The following NEDD9 variants were observed in gnomAD, a reference collection of about 807,000 sequenced individuals.
NEDD9 encodes the protein neural precursor cell expressed, developmentally down-regulated 9, also known as enhancer of filamentation 1.
Under a neutral mutation model 76.6 loss-of-function variants are expected in NEDD9, and 26 were observed. The observed-to-expected ratio is 0.34, with a 90% CI of 0.25 to 0.47. The LOEUF (loss-of-function observed/expected upper bound fraction) is 0.47. Ranked by LOEUF, NEDD9 falls within the 20% of genes least tolerant of loss-of-function variation. The pLI is 1.00. For synonymous variants in NEDD9, 392 were observed against 414.2 expected, an observed-to-expected ratio of 0.95 and a Z score of 0.65; for missense variants, 937 against 1,058.5, an observed-to-expected ratio of 0.89 and a Z score of 1.59.
chr6:11,306,489 C>G (rs1761187604), intron 2 of NEDD9, among the ~76,000 whole-genome samples: 2 of 152,182 alleles, frequency 1.3e-5, no homozygotes, highest in African/African-American at 4.8e-5. Context: ...GAAGGTCAAT[C>G]TTGGGTGGAG....
intron 2 of NEDD9, among the ~76,000 whole-genome samples, chr6:11,332,678 A>G (rs1265121067): frequency 2.0e-5 from 3 of 152,150 alleles, no homozygotes; most frequent in African/African-American, 7.2e-5. Flanking sequence ...AACCTGTGAG[A>G]TTCCAGAAGC....
chr6:11,276,329 CTCTG>C (rs1295081987), intron 3 of NEDD9, among the ~76,000 whole-genome samples: 1 of 152,152 alleles, frequency 6.6e-6, no homozygotes, highest in Non-Finnish European at 1.5e-5. Context: ...GCATTATTGG[CTCTG>C]TGTGTGTGTG....
At chr6:11,199,462 TACCTGGCATAAAGC>T (rs903762990) in intron 2 of NEDD9, 1 of 152,180 alleles carries the variant, frequency 6.6e-6, no homozygotes, top group African/African-American at 2.4e-5. Context: ...GTGCATAAAG[TACCTGGCATAAAGC>T]CATAATAAGC....
intron 3 of NEDD9, among the ~76,000 whole-genome samples, chr6:11,247,399 G>T (rs1183100366): frequency 6.6e-6 from 1 of 152,114 alleles, no homozygotes; most frequent in Non-Finnish European, 1.5e-5. Context: ...AGAAGTAGGC[G>T]ATCCACTATT....
intron 3 of NEDD9, among the ~76,000 whole-genome samples, chr6:11,291,712 G>A (rs1760780028): frequency 1.3e-5 from 2 of 152,218 alleles, no homozygotes; most frequent in Admixed American, 6.5e-5. Flanking sequence ...AGATAGGGTT[G>A]CATAGTTTCA....
rs1198441874 is a variant in NEDD9 at position 11,370,511 on chromosome 6, G to GTGCA, written c.-214+11624_-214+11627dup. Among the ~76,000 whole-genome samples, 1 of 152,126 alleles carries GTGCA rather than the reference G, an allele frequency of 6.6e-6. No individual in the cohort carries two copies. Among genetic ancestry groups the GTGCA allele is most frequent in the Admixed American group, 6.6e-5 (1 of 15,266 alleles). On this transcript the variant is annotated intron_variant, in intron 1 of 3. Coordinates refer to the NEDD9 transcript ENST00000397378. The surrounding 1 kb of genome is among the most constrained non-coding windows in gnomAD (Gnocchi z 4.2). Reference sequence around the variant, plus strand: ...AATGGTTCCCTCACCGACCCACTAGGTGCACAAGGCTCTCCTCAAGCCGCC... The same window carrying GTGCA: ...AATGGTTCCCTCACCGACCCACTAGGTGCATGCACAAGGCTCTCCTCAAGCCGCC...
intron 1 of NEDD9, among the ~76,000 whole-genome samples, chr6:11,337,762 G>A (rs192089084): frequency 1.3e-5 from 2 of 152,310 alleles, no homozygotes; most frequent in East Asian, 1.9e-4. Context: ...TGGATGGGGA[G>A]GGAAGAGCAG....
chr6:11,260,012 G>A lies in NEDD9; in HGVS notation c.12+45980C>T, dbSNP rs34563078. Among the ~76,000 whole-genome samples the A allele has an allele frequency of 2.0e-5, 3 of 151,092 alleles. No individual in the cohort carries two copies. In the South Asian group the frequency reaches 6.3e-4, roughly 32 times the overall value. ...GATCCTTCTCCATCTGCTAGTCTCA[G>A]TGTCAGAAATCGTACCATTAGGGAT... On this transcript the variant is annotated intron_variant, in intron 3 of 3. Coordinates refer to the NEDD9 transcript ENST00000397378.
chr6:11,330,413 G>A (rs1762011210), intron 2 of NEDD9, among the ~76,000 whole-genome samples: 1 of 152,192 alleles, frequency 6.6e-6, no homozygotes, highest in African/African-American at 2.4e-5. Flanking sequence ...AAGAGGCCTA[G>A]GGTAAAAAAC....
intron 2 of NEDD9, chr6:11,200,791 C>T (rs1758425309): frequency 4.9e-6 from 7 of 1,432,290 alleles, no homozygotes; most frequent in Non-Finnish European, 6.4e-6. Flanking sequence ...TTCTGCTGTT[C>T]GTATCAGTAT....
intron 3 of NEDD9, among the ~76,000 whole-genome samples, chr6:11,270,968 G>A (rs978880871): frequency 4.6e-5 from 7 of 152,132 alleles, no homozygotes; most frequent in Non-Finnish European, 7.4e-5. Context: ...CCCAGGTGAC[G>A]GCACAGGCAA....
chr6:11,305,152 T>C (rs1365285278), intron 3 of NEDD9: 9 of 1,288,798 alleles, frequency 7.0e-6, no homozygotes, highest in Admixed American at 6.9e-5. Flanking sequence ...CAGTTGATGG[T>C]TGATTCTCTG....
chr6:11,315,860 A>G (rs1253677010), intron 2 of NEDD9, among the ~76,000 whole-genome samples: 3 of 152,250 alleles, frequency 2.0e-5, no homozygotes, highest in African/African-American at 7.2e-5. Context: ...ATGCTTTAAC[A>G]TGTTCTACAA....
intron 1 of NEDD9, among the ~76,000 whole-genome samples, chr6:11,361,831 G>A (rs906921003): frequency 6.6e-6 from 1 of 152,156 alleles, no homozygotes. Context: ...TTGTAGGAGG[G>A]AGAAAGCATT....
chr6:11,304,004 C>T (rs1761118207), intron 3 of NEDD9, among the ~76,000 whole-genome samples: 1 of 152,134 alleles, frequency 6.6e-6, no homozygotes, highest in Admixed American at 6.5e-5. Context: ...AAGAAACTAC[C>T]ATCAGAGTGA....
rs139187501 is a variant in NEDD9, at chr6:11,347,348, A to G, written c.-213-12787T>C. On this transcript the variant is annotated intron_variant, in intron 1 of 3. Transcript: ENST00000397378. The stretch of plus-strand genomic sequence containing the variant: ...TGGATTCACAACCAAATTCTACCAG[A>G]TGTACAAAGAAGAGCTGGTACTGAA... 8.1e-4 allele frequency among the ~76,000 whole-genome samples: 124 copies of G among 152,318 alleles called. 1 individual carries two copies. Among genetic ancestry groups the G allele is most frequent in the Middle Eastern group, 3.4e-3 (1 of 294 alleles).
At position 11,281,305 on chromosome 6, in the gene NEDD9, G is replaced by A. The variant is rs553490114; in HGVS notation, c.12+24687C>T. On this transcript the variant is annotated intron_variant, in intron 3 of 3. Transcript: ENST00000397378. Reference sequence around the variant, plus strand: ...TTCCCCAGCCCTAAAGTGTGATATCGATTTCTATCATTCTGCCTTCCAGGA... The same window carrying A: ...TTCCCCAGCCCTAAAGTGTGATATCAATTTCTATCATTCTGCCTTCCAGGA... Among the ~76,000 whole-genome samples, 11 of 152,288 alleles carry A rather than the reference G, an allele frequency of 7.2e-5. No homozygotes were observed. The South Asian group carries it at 2.1e-3, about 29-fold the overall frequency.
chr6:11,363,658 C>T (rs1044007008), intron 1 of NEDD9, among the ~76,000 whole-genome samples: 1 of 152,188 alleles, frequency 6.6e-6, no homozygotes, highest in African/African-American at 2.4e-5. Flanking sequence ...GGGAGGGACC[C>T]ACCAACAACA....
chr6:11,216,371 G>T (rs72827131), intron 1 of NEDD9, among the ~76,000 whole-genome samples: 3,232 of 152,260 alleles, frequency 0.021, 55 homozygotes, highest in South Asian at 0.044. Flanking sequence ...CGAAGCTTAC[G>T]GCTCCAGGGA....
Sources: allele counts gnomAD v4.1 joint callset (sites outside exome capture counted in the v4.1 genomes callset), GRCh38; gene constraint gnomAD v4.1.1; non-coding constraint Gnocchi (gnomAD v3.1); transcripts MANE v1.5; gene names NCBI Gene and HGNC (gene_info 2026-07-23, HGNC 2026-07-21).